Variants in PIK3AP1 observed in about 807,000 individuals in gnomAD.
PIK3AP1 encodes phosphoinositide-3-kinase adaptor protein 1, also known as phosphoinositide 3-kinase adapter protein 1.
PIK3AP1 carries 21 observed loss-of-function variants against 88.1 expected under a neutral mutation model. That is an observed-to-expected ratio of 0.24 (90% CI 0.17 to 0.34). PIK3AP1 has a LOEUF of 0.34. PIK3AP1 is among the 10% of genes least tolerant of loss of function. The probability of loss-of-function intolerance (pLI) is 1.00; values close to 1 mark genes in which losing one functional copy is unlikely to be tolerated. For missense variants in PIK3AP1, 828 were observed against 1,035.7 expected, an observed-to-expected ratio of 0.80 and a Z score of 2.75; for synonymous variants, 398 against 400.0, an observed-to-expected ratio of 1.00 and a Z score of 0.06.
At chr10:96,603,075 C>G (rs1848930908) in intron 15 of PIK3AP1, among the ~76,000 whole-genome samples, 1 of 152,174 alleles carries the variant, frequency 6.6e-6, no homozygotes, top group Non-Finnish European at 1.5e-5. Flanking sequence ...CTCACCTGCT[C>G]CTTCCCACAG....
At chr10:96,674,019 G>C (rs757947357) in intron 2 of PIK3AP1, among the ~76,000 whole-genome samples, 1 of 152,170 alleles carries the variant, frequency 6.6e-6, no homozygotes, top group Non-Finnish European at 1.5e-5. Context: ...ACCGTGAAAG[G>C]CTGCATCTGG....
At chr10:96,596,017 C>T (rs551610889) in intron 16 of PIK3AP1, among the ~76,000 whole-genome samples, 1 of 152,252 alleles carries the variant, frequency 6.6e-6, no homozygotes, top group Non-Finnish European at 1.5e-5. Context: ...AGAGACTGCC[C>T]CTCCCAGGGT....
chr10:96,717,112 G>A (rs1432097761), intron 1 of PIK3AP1, among the ~76,000 whole-genome samples: 1 of 152,036 alleles, frequency 6.6e-6, no homozygotes, highest in East Asian at 1.9e-4. Flanking sequence ...ACAAAAATTA[G>A]CTGAGTATGG....
chr10:96,661,616 T>C (rs1236486639), intron 2 of PIK3AP1, among the ~76,000 whole-genome samples: 2 of 152,112 alleles, frequency 1.3e-5, no homozygotes, highest in Non-Finnish European at 2.9e-5. Context: ...TGCTCTAAAA[T>C]ATAAAATCTA....
At chr10:96,687,279 A>G (rs55887897) in intron 2 of PIK3AP1, among the ~76,000 whole-genome samples, 1,475 of 119,596 alleles carry the variant, frequency 0.012, 49 homozygotes, top group African/African-American at 0.063. Context: ...AAAAAAAAAA[A>G]AAAAAAGAAA....
chr10:96,610,474 G>A lies in PIK3AP1; in HGVS notation c.2015-607C>T, dbSNP rs528712022. On this transcript the variant is annotated intron_variant, in intron 13 of 16. Coordinates refer to ENST00000339364, the MANE Select transcript of PIK3AP1 (RefSeq NM_152309.3). ...GAGCTGGGATTTGAACCCAGGCTCC[G>A]GAGTCCAGGCTCTTAACCACTGCTT... Among the ~76,000 whole-genome samples, 5 of 152,176 alleles carry A rather than the reference G, an allele frequency of 3.3e-5. No individual in the cohort carries two copies. In the South Asian group the frequency reaches 6.2e-4, roughly 19 times the overall value.
chr10:96,700,719 G>T, intron 2 of PIK3AP1: 2 of 746,762 alleles, frequency 2.7e-6, no homozygotes, highest in Non-Finnish European at 3.3e-6. Flanking sequence ...CACCACAATC[G>T]TTGCTTTCAA....
chr10:96,644,968 C>G lies in PIK3AP1; in HGVS notation c.1375+505G>C, dbSNP rs1046699283. Among the ~76,000 whole-genome samples, 5 of 151,994 alleles carry G rather than the reference C, an allele frequency of 3.3e-5. No individual in the cohort carries two copies. In the East Asian group the frequency reaches 9.6e-4, roughly 29 times the overall value. ...TCAGTCAATGTTTGAAGCCGTTGAC[C>G]GTGATTCTGAGTGTGTCTGCATCTG... On this transcript the variant is annotated intron_variant, in intron 8 of 16. Transcript: ENST00000339364.
At chr10:96,651,147 A>G in intron 6 of PIK3AP1, 101 bp downstream of exon 6, 1 of 1,475,892 alleles carries the variant, frequency 6.8e-7, no homozygotes. Flanking sequence ...GGGACCCAGA[A>G]GAGTTACAGC....
In PIK3AP1 at chr10:96,603,996, T is replaced by A; in HGVS notation, c.2224A>T (p.Met742Leu). Reference sequence around the variant, plus strand: ...GCTCTCACCTCGTTGTCCCCTTCCATCCCGCTGCTCACACTGAGGAGGCTC... The same window carrying A: ...GCTCTCACCTCGTTGTCCCCTTCCAACCCGCTGCTCACACTGAGGAGGCTC... Reference protein sequence around the residue: ...TRSLLSVSSGMEGDNEDNEVP... With the variant: ...TRSLLSVSSGLEGDNEDNEVP... The change falls in exon 15 of 17, where the codon ATG (methionine) becomes TTG (leucine). Residue 742 changes from methionine to leucine, a missense_variant. Met to Leu is a conservative substitution (Grantham distance 15). Coordinates refer to ENST00000339364, the MANE Select transcript of PIK3AP1 (RefSeq NM_152309.3). 6.2e-7 allele frequency: 1 copy of A among 1,607,336 alleles called. No homozygotes were observed. Among genetic ancestry groups the A allele is most frequent in the Non-Finnish European group, 8.5e-7 (1 of 1,176,568 alleles).
Position 96,656,875 on chromosome 10 carries a change from AGT to A in PIK3AP1, c.488_489del (p.Tyr163PhefsTer38). ...TEPEDEKVVS[Y>X]SKQQNLPTVT... is the part of the protein sequence containing the mutation. ...ACCGTCGGCAGGTTCTGCTGCTTCG[AGT>A]AGGAAACAACCTTCTCGTCCTCAGG... On this transcript the variant is annotated frameshift_variant, in exon 3 of 17. Coordinates refer to ENST00000339364, the MANE Select transcript of PIK3AP1 (RefSeq NM_152309.3). LOFTEE classifies it high-confidence loss of function. 1 of 1,614,136 alleles carries A rather than the reference AGT, an allele frequency of 6.2e-7. No individual in the cohort carries two copies. Among genetic ancestry groups the A allele is most frequent in the Non-Finnish European group, 8.5e-7 (1 of 1,180,024 alleles).
intron 2 of PIK3AP1, among the ~76,000 whole-genome samples, chr10:96,663,329 A>C (rs1206615760): frequency 3.3e-5 from 5 of 152,106 alleles, no homozygotes; most frequent in African/African-American, 9.7e-5. Flanking sequence ...ATTATACCTC[A>C]ACAAAGAAAC....
intron 8 of PIK3AP1, among the ~76,000 whole-genome samples, chr10:96,632,180 A>G (rs549180644): frequency 3.9e-5 from 6 of 152,248 alleles, no homozygotes; most frequent in Non-Finnish European, 2.9e-5. Context: ...AATGCATTGT[A>G]AGATCCTAGA....
At chr10:96,627,250 C>T (rs1312940890) in intron 9 of PIK3AP1, among the ~76,000 whole-genome samples, 3 of 152,194 alleles carry the variant, frequency 2.0e-5, no homozygotes, top group Non-Finnish European at 4.4e-5. Context: ...AAAGGTGGGG[C>T]GTTCACTGCC....
rs545131016 is a variant in PIK3AP1 at position 96,665,953 on chromosome 10, C to T, written c.431-9019G>A. ...CACAGCCTCCACACAGTGCACAGGA[C>T]GCTGCCACAATAAACCAGCATCCTC... On this transcript the variant is annotated intron_variant, in intron 2 of 16. Coordinates refer to ENST00000339364, the MANE Select transcript of PIK3AP1 (RefSeq NM_152309.3). 6.6e-5 allele frequency among the ~76,000 whole-genome samples: 10 copies of T among 152,294 alleles called. No individual in the cohort carries two copies. The South Asian group carries it at 1.0e-3, about 16-fold the overall frequency.
intron 2 of PIK3AP1, among the ~76,000 whole-genome samples, chr10:96,659,154 A>G (rs1323820897): frequency 6.6e-6 from 1 of 150,486 alleles, no homozygotes; most frequent in Non-Finnish European, 1.5e-5. Context: ...GGATTTTATG[A>G]AGTTTCAGTT....
At chr10:96,672,148 C>G (rs545192662) in intron 2 of PIK3AP1, among the ~76,000 whole-genome samples, 3 of 152,342 alleles carry the variant, frequency 2.0e-5, no homozygotes, top group Admixed American at 6.5e-5. Context: ...CTTCCACACT[C>G]CCATGCTGGC....
chr10:96,657,420 G>C (rs1035231667), intron 2 of PIK3AP1, among the ~76,000 whole-genome samples: 5 of 152,164 alleles, frequency 3.3e-5, no homozygotes, highest in Admixed American at 1.3e-4. Context: ...AAGCAAAAGT[G>C]AAAAGCAATC....
chr10:96,690,648 A>G (rs1844141779), intron 2 of PIK3AP1, among the ~76,000 whole-genome samples: 1 of 152,160 alleles, frequency 6.6e-6, no homozygotes, highest in Non-Finnish European at 1.5e-5. Context: ...GTCGCATGAT[A>G]AGAACAGCAA....
Sources: gnomAD v4.1 joint callset for allele counts (sites outside exome capture counted in the v4.1 genomes callset) on GRCh38, gnomAD v4.1.1 for gene constraint, MANE v1.5 for transcripts, NCBI Gene and HGNC (gene_info 2026-07-23, HGNC 2026-07-21) for gene names.